Variants in TBC1D9 observed in about 807,000 individuals in gnomAD.
The protein encoded by TBC1D9 is TBC1 domain family member 9A.
In TBC1D9, 63 loss-of-function variants were observed where a neutral mutation model predicts 132.0. The observed-to-expected ratio is 0.48, with a 90% CI of 0.39 to 0.59. The LOEUF is 0.59. TBC1D9 is among the 20% of genes least tolerant of loss of function. TBC1D9 has a pLI of 0.00. For missense variants in TBC1D9, 1,261 were observed against 1,592.7 expected, an observed-to-expected ratio of 0.79 and a Z score of 3.54; for synonymous variants, 610 against 609.9, an observed-to-expected ratio of 1.00 and a Z score of 0.00.
intron 7 of TBC1D9, 178 bp downstream of exon 7, chr4:140,670,542 C>T (rs1483642484): frequency 1.2e-5 from 7 of 592,292 alleles, no homozygotes; most frequent in Non-Finnish European, 2.1e-5. Context: ...TATAAGGTTC[C>T]TTCTAAATCT....
intron 1 of TBC1D9, among the ~76,000 whole-genome samples, chr4:140,725,549 T>C (rs370205077): frequency 6.6e-6 from 1 of 152,118 alleles, no homozygotes; most frequent in Admixed American, 6.5e-5. Context: ...AGTTAAAATG[T>C]GATATAAAGT....
chr4:140,726,149 C>T (rs762063362), intron 1 of TBC1D9, among the ~76,000 whole-genome samples: 6 of 151,884 alleles, frequency 4.0e-5, no homozygotes, highest in Non-Finnish European at 7.4e-5. Context: ...ATTACCTGGG[C>T]GTGGTGGTGC....
chr4:140,662,113 A>T lies in TBC1D9; in HGVS notation c.1589-6T>A, dbSNP rs1215879428. 1 of 1,610,792 alleles carries T rather than the reference A, an allele frequency of 6.2e-7. No homozygotes were observed. The highest frequency in any genetic ancestry group is 8.5e-7 in the Non-Finnish European group (1 of 1,176,996). On this transcript the variant is annotated splice_polypyrimidine_tract_variant and splice_region_variant and intron_variant, in intron 9 of 20. Transcript: ENST00000442267. ...GGCCTTCTCATTGATGGCACCTGAG[A>T]TATATCCAACAGATACAGTATCAAA...
At chr4:140,623,647 A>C (rs1736659689) in intron 20 of TBC1D9, among the ~76,000 whole-genome samples, 1 of 152,186 alleles carries the variant, frequency 6.6e-6, no homozygotes, top group African/African-American at 2.4e-5. Context: ...CCTGGACAGA[A>C]GTAATGCTTT....
At chr4:140,695,292 C>T (rs964136074) in intron 2 of TBC1D9, among the ~76,000 whole-genome samples, 3 of 152,162 alleles carry the variant, frequency 2.0e-5, no homozygotes, top group African/African-American at 7.2e-5. Flanking sequence ...CATCCTACTA[C>T]AATAAGAGGG....
At chr4:140,721,110 G>A (rs1738416864) in intron 1 of TBC1D9, among the ~76,000 whole-genome samples, 1 of 152,168 alleles carries the variant, frequency 6.6e-6, no homozygotes, top group African/African-American at 2.4e-5. Context: ...GATCCTGGGG[G>A]CCCCTCTCTG....
chr4:140,649,589 G>A (rs1737156169), intron 13 of TBC1D9, among the ~76,000 whole-genome samples: 1 of 152,202 alleles, frequency 6.6e-6, no homozygotes, highest in East Asian at 1.9e-4. Context: ...CCCAAGAGAC[G>A]AGAGAGGGAT....
chr4:140,730,301 G>T (rs976686172), intron 1 of TBC1D9, among the ~76,000 whole-genome samples: 1 of 152,174 alleles, frequency 6.6e-6, no homozygotes, highest in Non-Finnish European at 1.5e-5. Context: ...AGACCAAAGG[G>T]AACCTGGTCA....
At chr4:140,688,660 C>A (rs13127005) in intron 2 of TBC1D9, among the ~76,000 whole-genome samples, 1 of 151,840 alleles carries the variant, frequency 6.6e-6, no homozygotes, top group East Asian at 1.9e-4. Flanking sequence ...CAGAGTGAGA[C>A]CCTGTGGAGA....
chr4:140,629,490 C>T (rs1736759360), intron 16 of TBC1D9, among the ~76,000 whole-genome samples: 1 of 152,174 alleles, frequency 6.6e-6, no homozygotes, highest in African/African-American at 2.4e-5. Context: ...ACACAACAAT[C>T]CTTCAGATTT....
chr4:140,627,463 A>G lies in TBC1D9; in HGVS notation c.2877T>C (p.Asp959=). 1 of 1,609,206 alleles carries G rather than the reference A, an allele frequency of 6.2e-7. No individual in the cohort carries two copies. Among genetic ancestry groups the G allele is most frequent in the Non-Finnish European group, 8.5e-7 (1 of 1,176,688 alleles). ...AFEATQYFFE[D]ITPECTHVVG... is the part of the protein sequence containing the mutation. ...TACCATGTGTACATTCTGGGGTAAT[A>G]TCTTCAAAGAAGTACTGAGTTGCTT... is the stretch of plus-strand genomic sequence containing the variant. Residue 959 remains aspartate, a synonymous_variant, in exon 18 of 21, where the codon GAT becomes GAC. Transcript: ENST00000442267.
intron 3 of TBC1D9, among the ~76,000 whole-genome samples, chr4:140,683,921 AT>A (rs1188434516): frequency 2.6e-5 from 4 of 152,240 alleles, no homozygotes; most frequent in Non-Finnish European, 5.9e-5. Context: ...TATTAACTGG[AT>A]TTTTATTTGT....
chr4:140,707,088 C>G (rs1057418291), intron 1 of TBC1D9, among the ~76,000 whole-genome samples: 8 of 151,546 alleles, frequency 5.3e-5, no homozygotes, highest in Admixed American at 2.0e-4. Flanking sequence ...TGTGAGAATA[C>G]CTGTTTCTCC....
chr4:140,755,945 C>G lies in TBC1D9; in HGVS notation c.101G>C (p.Gly34Ala). 1 of 1,591,652 alleles carries G rather than the reference C, an allele frequency of 6.3e-7. No homozygotes were observed. Among genetic ancestry groups the G allele is most frequent in the Admixed American group, 1.7e-5 (1 of 57,450 alleles). Residue 34 changes from glycine to alanine, a missense_variant, in exon 1 of 21, where the codon GGC becomes GCC. Coordinates refer to ENST00000442267, the MANE Select transcript of TBC1D9 (RefSeq NM_015130.3). ...CAGTCCGCCGCCGCCGCCTCCATCG[C>G]CGGCGTGGCCCTTCCTCCGCTGCAG... ...FILQRRKGHA[G>A]DGGGGGGLAG...
chr4:140,693,399 C>T (rs188528121), intron 2 of TBC1D9, among the ~76,000 whole-genome samples: 2 of 152,358 alleles, frequency 1.3e-5, no homozygotes, highest in Admixed American at 1.3e-4. Flanking sequence ...CTTAATGCCT[C>T]AGACCATGTC....
chr4:140,756,149 C>T lies in TBC1D9; in HGVS notation c.-104G>A. ...CCTGGGCACACGCGCGCCCGCCCGCCCGTCCGCTAGGTGCGGCGGCGGCGG... is the reference window on the plus strand; with the variant it reads ...CCTGGGCACACGCGCGCCCGCCCGCTCGTCCGCTAGGTGCGGCGGCGGCGG... On this transcript the variant is annotated 5_prime_UTR_variant, in exon 1 of 21. Transcript: ENST00000442267. The surrounding 1 kb of genome is among the most constrained non-coding windows in gnomAD (Gnocchi z 5.6). 2.1e-6 allele frequency: 2 copies of T among 962,978 alleles called. No homozygotes were observed. Among genetic ancestry groups the T allele is most frequent in the Non-Finnish European group, 1.4e-6 (1 of 723,562 alleles). 59.7% of individuals were successfully genotyped at this position (962,978 alleles called of 1,614,324 possible). A position where few individuals can be genotyped will look rare whatever the true frequency, so the allele number is the denominator to read the frequency against.
chr4:140,640,638 C>T (rs1736972680), intron 13 of TBC1D9, among the ~76,000 whole-genome samples: 1 of 152,236 alleles, frequency 6.6e-6, no homozygotes, highest in Non-Finnish European at 1.5e-5. Flanking sequence ...CGTAACTTTT[C>T]CCTTTGGCAA....
chr4:140,635,560 A>G (rs764400718), intron 15 of TBC1D9, among the ~76,000 whole-genome samples: 9 of 152,206 alleles, frequency 5.9e-5, no homozygotes, highest in Non-Finnish European at 1.3e-4. Flanking sequence ...TCTGAAAAAG[A>G]GGAGAGTCAA....
At position 140,676,899 on chromosome 4, in the gene TBC1D9, G is replaced by A. The variant is rs1255574879; in HGVS notation, c.1054C>T (p.Arg352Cys). 8 of 1,613,828 alleles carry A rather than the reference G, an allele frequency of 5.0e-6. No homozygotes were observed. Among genetic ancestry groups the A allele is most frequent in the South Asian group, 1.1e-5 (1 of 91,060 alleles). ...ENLCSLIIPL[R>C]EVTIVEKADS... ...AATTTTTATCAGATACTTACCTCAC[G>A]GAGCGGGATAATGAGGCTACATAAG... Residue 352 changes from arginine (R) to cysteine (C), a missense_variant, in exon 6 of 21, where the codon CGT (arginine) becomes TGT (cysteine). Arg to Cys is a radical substitution (Grantham distance 180). Around this residue, in one of 3 missense-constraint regions of TBC1D9, gnomAD observed 550 missense variants for 699.0 expected, o/e 0.79. Transcript: ENST00000442267.
Sources: allele counts gnomAD v4.1 joint callset (sites outside exome capture counted in the v4.1 genomes callset), GRCh38; gene constraint gnomAD v4.1.1; regional missense constraint gnomAD v4.1.1; non-coding constraint Gnocchi (gnomAD v3.1); transcripts MANE v1.5; gene names NCBI Gene and HGNC (gene_info 2026-07-23, HGNC 2026-07-21).